The following PITPNC1 variants were observed in gnomAD, a reference collection of about 807,000 sequenced individuals.
PITPNC1 encodes phosphatidylinositol transfer protein cytoplasmic 1, also known as cytoplasmic phosphatidylinositol transfer protein 1.
In PITPNC1, 18 loss-of-function variants were observed where a neutral mutation model predicts 44.7. That is an observed-to-expected ratio of 0.40 (90% CI 0.28 to 0.60). The LOEUF (loss-of-function observed/expected upper bound fraction) is 0.60, where lower values mean the gene tolerates loss of function less well. Among genes scored for constraint, PITPNC1 ranks in the 20% least tolerant of loss-of-function variants. The pLI is 0.39. For synonymous variants in PITPNC1, 141 were observed against 149.6 expected (o/e 0.94, Z 0.42); for missense variants, 290 against 418.4 (o/e 0.69, Z 2.68).
intron 1 of PITPNC1, among the ~76,000 whole-genome samples, chr17:67,415,204 T>C (rs904894391): frequency 6.6e-6 from 1 of 152,112 alleles, no homozygotes; most frequent in African/African-American, 2.4e-5. Flanking sequence ...CTTGATCTGT[T>C]ATGCTGTTTG....
intron 1 of PITPNC1, among the ~76,000 whole-genome samples, chr17:67,488,551 C>CT (rs1199565884): frequency 6.6e-6 from 1 of 152,198 alleles, no homozygotes; most frequent in Non-Finnish European, 1.5e-5. Context: ...CATGTGGGCT[C>CT]TTTTTTTGTT....
At chr17:67,522,311 CAA>C (rs916350552) in intron 1 of PITPNC1, among the ~76,000 whole-genome samples, 1 of 145,664 alleles carries the variant, frequency 6.9e-6, no homozygotes. Flanking sequence ...CCCCCACCAC[CAA>C]AAAAAAAAGA....
intron 6 of PITPNC1, among the ~76,000 whole-genome samples, chr17:67,648,100 T>G (rs1271436783): frequency 6.6e-6 from 1 of 152,228 alleles, no homozygotes; most frequent in African/African-American, 2.4e-5. Flanking sequence ...CTACCCTGGT[T>G]TCTGTTCGAC....
At chr17:67,431,167 T>C (rs564234813) in intron 1 of PITPNC1, among the ~76,000 whole-genome samples, 1 of 150,830 alleles carries the variant, frequency 6.6e-6, no homozygotes, top group Admixed American at 6.6e-5. Context: ...CAAGCGATTC[T>C]CATGCTTCAG....
chr17:67,414,991 C>T (rs2038566272), intron 1 of PITPNC1, among the ~76,000 whole-genome samples: 1 of 152,102 alleles, frequency 6.6e-6, no homozygotes, highest in Non-Finnish European at 1.5e-5. Flanking sequence ...AGCGATTCTC[C>T]ATCTCAGCCT....
At chr17:67,387,856 C>T (rs1301557527) in intron 1 of PITPNC1, among the ~76,000 whole-genome samples, 1 of 152,124 alleles carries the variant, frequency 6.6e-6, no homozygotes, top group African/African-American at 2.4e-5. Flanking sequence ...AATACTGATA[C>T]AATCTTTTCA....
rs1248653630 is a variant in PITPNC1 at position 67,676,202 on chromosome 17, G to A, written c.682+660G>A. Reference sequence around the variant, plus strand: ...AGCCTGGGGGACAGAGCGAGACTCCGTCTCGGAAAAAAAAAAAAAAGAAAG... The same window carrying A: ...AGCCTGGGGGACAGAGCGAGACTCCATCTCGGAAAAAAAAAAAAAAGAAAG... On this transcript the variant is annotated intron_variant, in intron 8 of 8. Transcript: ENST00000581322. This position sits in a 1 kb window ranked among gnomAD's most constrained non-coding sequence, Gnocchi z 4.0. Among the ~76,000 whole-genome samples, 10 of 147,536 alleles carry A rather than the reference G, an allele frequency of 6.8e-5. No homozygotes were observed. The highest frequency in any genetic ancestry group is 1.0e-4 in the Non-Finnish European group (7 of 67,300).
intron 5 of PITPNC1, among the ~76,000 whole-genome samples, chr17:67,602,481 T>A (rs2041553014): frequency 6.6e-6 from 1 of 151,866 alleles, no homozygotes; most frequent in African/African-American, 2.4e-5. Context: ...GGAAAAGGAA[T>A]GAGGAGGCTG....
At chr17:67,491,701 G>A (rs943258947) in intron 1 of PITPNC1, among the ~76,000 whole-genome samples, 1 of 152,140 alleles carries the variant, frequency 6.6e-6, no homozygotes, top group Non-Finnish European at 1.5e-5. Flanking sequence ...CCTGGGCATG[G>A]CATGCCTGTA....
chr17:67,653,625 A>G (rs972170179), intron 6 of PITPNC1, among the ~76,000 whole-genome samples: 3 of 152,262 alleles, frequency 2.0e-5, no homozygotes, highest in African/African-American at 7.2e-5. Flanking sequence ...CTAAATAGGT[A>G]CGAATGAAAA....
intron 1 of PITPNC1, among the ~76,000 whole-genome samples, chr17:67,467,724 G>T (rs1598705918): frequency 1.3e-5 from 2 of 152,172 alleles, no homozygotes; most frequent in African/African-American, 4.8e-5. Context: ...ACAACCAGGT[G>T]CATGTTGCCT....
At chr17:67,538,759 C>G (rs1568031984) in intron 2 of PITPNC1, among the ~76,000 whole-genome samples, 2 of 151,368 alleles carry the variant, frequency 1.3e-5, no homozygotes, top group South Asian at 2.1e-4. Context: ...TATTACAACA[C>G]TAAAATGAAG....
chr17:67,526,114 TG>T (rs898108200), intron 1 of PITPNC1, among the ~76,000 whole-genome samples: 65 of 152,210 alleles, frequency 4.3e-4, no homozygotes, highest in African/African-American at 1.6e-3. Context: ...CGTTTGGAAA[TG>T]GTATTGGGAC....
chr17:67,584,771 A>C (rs2041288821), intron 5 of PITPNC1, among the ~76,000 whole-genome samples: 1 of 152,176 alleles, frequency 6.6e-6, no homozygotes, highest in South Asian at 2.1e-4. Flanking sequence ...TTGAGCACCT[A>C]CTATGTCCCA....
chr17:67,446,462 ACC>A (rs2039096876), intron 1 of PITPNC1, among the ~76,000 whole-genome samples: 1 of 151,478 alleles, frequency 6.6e-6, no homozygotes, highest in Admixed American at 6.6e-5. Flanking sequence ...CACCAGGATA[ACC>A]CACAGACATT....
At chr17:67,569,333 T>G (rs993375258) in intron 4 of PITPNC1, among the ~76,000 whole-genome samples, 2 of 152,352 alleles carry the variant, frequency 1.3e-5, no homozygotes, top group South Asian at 4.1e-4. Flanking sequence ...ATTTTGCATA[T>G]GCTGCTTTCA....
intron 8 of PITPNC1, among the ~76,000 whole-genome samples, chr17:67,679,904 G>A (rs1460274168): frequency 6.6e-6 from 1 of 152,228 alleles, no homozygotes; most frequent in Non-Finnish European, 1.5e-5. Context: ...ACAGTGTTTT[G>A]AGAAAGGAAC....
chr17:67,425,238 CACACACACACACACACACACACACAGAG>C (rs2038742977), intron 1 of PITPNC1, among the ~76,000 whole-genome samples: 1 of 130,094 alleles, frequency 7.7e-6, no homozygotes, highest in Non-Finnish European at 1.7e-5. Flanking sequence ...CACACACACA[CACACACACACACACACACACACACAGAG>C]GGAGAGAGAG....
rs747975113 is a variant in PITPNC1 at position 67,669,667 on chromosome 17, A to G, written c.618+4A>G. The G allele has an allele frequency of 3.2e-6, 5 of 1,585,412 alleles. No homozygotes were observed. Among genetic ancestry groups the G allele is most frequent in the Non-Finnish European group, 4.3e-6 (5 of 1,164,910 alleles). ...AGTGGAACAATTTGTACACAAGGTA[A>G]GTGGTCCAACAGCAGTTCCTGGGCT... is the stretch of plus-strand genomic sequence containing the variant. On this transcript the variant is annotated splice_donor_region_variant and intron_variant, in intron 7 of 8. Transcript: ENST00000581322.
Sources: gnomAD v4.1 joint callset for allele counts (sites outside exome capture counted in the v4.1 genomes callset) on GRCh38, gnomAD v4.1.1 for gene constraint, Gnocchi (gnomAD v3.1) non-coding constraint, MANE v1.5 for transcripts, NCBI Gene and HGNC (gene_info 2026-07-23, HGNC 2026-07-21) for gene names.